BTRC: variants seen among roughly 807,000 people sequenced by gnomAD.
The protein encoded by BTRC is F-box/WD repeat-containing protein 1A.
In BTRC, 42 loss-of-function variants were observed where a neutral mutation model predicts 85.5. The observed-to-expected ratio is 0.49, with a 90% CI of 0.38 to 0.64. The LOEUF (loss-of-function observed/expected upper bound fraction) is 0.64. Among genes scored for constraint, BTRC ranks in the 30% least tolerant of loss-of-function variants. The pLI is 0.00. For missense variants in BTRC, 594 were observed against 743.5 expected (o/e 0.80, Z 2.34); for synonymous variants, 255 against 263.3 (o/e 0.97, Z 0.30).
At chr10:101,428,444 A>G (rs7082129) in intron 1 of BTRC, among the ~76,000 whole-genome samples, 56,287 of 152,162 alleles carry the variant, frequency 0.37, 11,612 homozygotes, top group Middle Eastern at 0.49. Flanking sequence ...GGAAACGTTG[A>G]AAACAGTGAA....
chr10:101,504,396 C>T (rs1341664587), intron 4 of BTRC, among the ~76,000 whole-genome samples: 1 of 151,984 alleles, frequency 6.6e-6, no homozygotes, highest in Non-Finnish European at 1.5e-5. Flanking sequence ...TATTCATTCT[C>T]CCCCTTCCCA....
In BTRC at chr10:101,521,845, G is replaced by C; in HGVS notation, c.531G>C (p.Gln177His). 6.2e-7 allele frequency: 1 copy of C among 1,613,012 alleles called. No homozygotes were observed. Among genetic ancestry groups the C allele is most frequent in the Non-Finnish European group, 8.5e-7 (1 of 1,179,156 alleles). Residue 177 changes from glutamine to histidine, a missense_variant, in exon 5 of 15, where the codon CAG becomes CAC. Transcript: ENST00000370187. ...HINSYLKPML[Q>H]RDFITALPAR... ...ACTCGTATCTTAAACCTATGTTGCA[G>C]AGAGATTTCATAACTGCTCTGCCAG...
intron 2 of BTRC, among the ~76,000 whole-genome samples, chr10:101,459,918 G>T (rs1275579513): frequency 2.0e-5 from 3 of 152,048 alleles, no homozygotes; most frequent in Non-Finnish European, 4.4e-5. Context: ...TTGTGTATCA[G>T]CCCAAGTACC....
chr10:101,363,338 CTG>C (rs976367216), intron 1 of BTRC, among the ~76,000 whole-genome samples: 3 of 152,152 alleles, frequency 2.0e-5, no homozygotes, highest in African/African-American at 4.8e-5. Flanking sequence ...AGCAGGAAAA[CTG>C]TGGGATATGG....
chr10:101,474,883 T>A (rs533503304), intron 3 of BTRC, among the ~76,000 whole-genome samples: 1 of 152,346 alleles, frequency 6.6e-6, no homozygotes, highest in East Asian at 1.9e-4. Flanking sequence ...CTTTAAAATG[T>A]TTTTCCTATC....
chr10:101,378,103 C>A (rs548027901), intron 1 of BTRC, among the ~76,000 whole-genome samples: 1 of 152,122 alleles, frequency 6.6e-6, no homozygotes, highest in South Asian at 2.1e-4. Flanking sequence ...TTTAATAATT[C>A]TTATTCAGGG....
rs1944111789 is a variant in BTRC, at chr10:101,421,864, T to C, written c.49-8481T>C. On this transcript the variant is annotated intron_variant, in intron 1 of 14. Transcript: ENST00000370187. The stretch of plus-strand genomic sequence containing the variant: ...TATGTGCCACATTTTCTTAATCCAG[T>C]CTATCATTGTTGGACATTTGGGTTG... Among the ~76,000 whole-genome samples, 3 of 152,148 alleles carry C rather than the reference T, an allele frequency of 2.0e-5. No individual in the cohort carries two copies. In the South Asian group the frequency reaches 6.3e-4, roughly 32 times the overall value.
chr10:101,459,988 A>G (rs1156886161), intron 2 of BTRC, among the ~76,000 whole-genome samples: 1 of 152,196 alleles, frequency 6.6e-6, no homozygotes. Context: ...GCAAAAAGTA[A>G]TTAGGCTCCA....
chr10:101,499,364 T>C (rs1035486920), intron 4 of BTRC, among the ~76,000 whole-genome samples: 1 of 152,002 alleles, frequency 6.6e-6, no homozygotes, highest in Non-Finnish European at 1.5e-5. Context: ...GCCGGGATTA[T>C]AGGCATGCAC....
chr10:101,532,795 TGTGCGCGC>T (rs1180331396), intron 8 of BTRC, among the ~76,000 whole-genome samples, 149 bp from the exon 9 acceptor site: 36 of 60,774 alleles, frequency 5.9e-4, no homozygotes, highest in Admixed American at 3.3e-3. Context: ...TGTGTGCGCG[TGTGCGCGC>T]GCGCGCGCTT....
rs1340615079 is a variant in BTRC at position 101,532,450 on chromosome 10, G to A, written c.978+18G>A. Reference sequence around the variant, plus strand: ...CAATCAAGGTGAGGTCTATTCAGTTGTAGAAAGGTAGCAGAGGGAGCAAGA... The same window carrying A: ...CAATCAAGGTGAGGTCTATTCAGTTATAGAAAGGTAGCAGAGGGAGCAAGA... On this transcript the variant is annotated intron_variant, in intron 8 of 14. Transcript: ENST00000370187. 1.9e-6 allele frequency: 3 copies of A among 1,593,546 alleles called. No individual in the cohort carries two copies. Among genetic ancestry groups the A allele is most frequent in the Admixed American group, 1.8e-5 (1 of 56,776 alleles).
chr10:101,419,303 G>C (rs941218425), intron 1 of BTRC, among the ~76,000 whole-genome samples: 2 of 152,102 alleles, frequency 1.3e-5, no homozygotes, highest in African/African-American at 2.4e-5. Flanking sequence ...GAACCACTTC[G>C]TCTGGCCAGT....
intron 3 of BTRC, among the ~76,000 whole-genome samples, chr10:101,462,906 C>T (rs1224859706): frequency 1.3e-5 from 2 of 151,844 alleles, no homozygotes; most frequent in South Asian, 2.1e-4. Flanking sequence ...CTCACTCTGT[C>T]GCCCAGGCTG....
intron 2 of BTRC, among the ~76,000 whole-genome samples, chr10:101,458,174 A>G (rs944104179): frequency 2.6e-5 from 4 of 152,254 alleles, no homozygotes; most frequent in Admixed American, 6.5e-5. Context: ...AGATAATACT[A>G]CTTGGCAATA....
chr10:101,463,080 C>G (rs1384624179), intron 3 of BTRC, among the ~76,000 whole-genome samples: 4 of 149,664 alleles, frequency 2.7e-5, no homozygotes, highest in African/African-American at 1.0e-4. Context: ...CAGTCTTGCT[C>G]TATCGCCCAG....
intron 1 of BTRC, among the ~76,000 whole-genome samples, chr10:101,368,450 A>G (rs1414171297): frequency 6.9e-6 from 1 of 145,162 alleles, no homozygotes; most frequent in Non-Finnish European, 1.5e-5. Context: ...AGTAGAACCT[A>G]TGCAACTGTT....
chr10:101,412,454 A>G (rs1160421375), intron 1 of BTRC, among the ~76,000 whole-genome samples: 3 of 152,226 alleles, frequency 2.0e-5, no homozygotes, highest in African/African-American at 7.2e-5. Flanking sequence ...GTGTCTTGAA[A>G]TATATGTTTC....
At chr10:101,369,639 A>G (rs926119570) in intron 1 of BTRC, among the ~76,000 whole-genome samples, 4 of 152,220 alleles carry the variant, frequency 2.6e-5, no homozygotes, top group Non-Finnish European at 5.9e-5. Context: ...GCTCATTGCT[A>G]TTGGGGTGTC....
At chr10:101,433,691 A>T (rs1217025829) in intron 2 of BTRC, among the ~76,000 whole-genome samples, 1 of 152,198 alleles carries the variant, frequency 6.6e-6, no homozygotes. Context: ...TTTAGTCTTG[A>T]TTCTAAGAAT....
Sources: allele counts gnomAD v4.1 joint callset (sites outside exome capture counted in the v4.1 genomes callset), GRCh38; gene constraint gnomAD v4.1.1; transcripts MANE v1.5; gene names NCBI Gene and HGNC (gene_info 2026-07-23, HGNC 2026-07-21).